Variants in GPATCH11 observed in about 807,000 individuals in gnomAD.
The protein encoded by GPATCH11 is G-patch domain containing 11, also known as G patch domain-containing protein 11.
In GPATCH11, 32 loss-of-function variants were observed where a neutral mutation model predicts 44.8. The ratio of observed to expected loss-of-function variants is 0.71; its 90% CI spans 0.54 to 0.96. GPATCH11 has a LOEUF of 0.96. GPATCH11 is among the 40% of genes least tolerant of loss of function. The probability of loss-of-function intolerance (pLI) is 0.00; values close to 1 mark genes in which losing one functional copy is unlikely to be tolerated. For missense variants in GPATCH11, 324 were observed against 303.1 expected (o/e 1.07, Z -0.51); for synonymous variants, 84 against 94.4 (o/e 0.89, Z 0.64).
At chr2:37,084,695 G>C in intron 1 of GPATCH11, 125 bp downstream of exon 1, 1 of 738,134 alleles carries the variant, frequency 1.4e-6, no homozygotes, top group Non-Finnish European at 1.9e-6. Flanking sequence ...TTGCGTCTGT[G>C]GGACGCTTGC....
chr2:37,095,641 C>A (rs929064119), intron 8 of GPATCH11, 123 bp downstream of exon 8: 221 of 1,050,094 alleles, frequency 2.1e-4, no homozygotes, highest in South Asian at 4.1e-4. Context: ...GGACCAATTT[C>A]TTAAATAGTG....
chr2:37,095,465 G>A lies in GPATCH11; in HGVS notation c.683G>A (p.Ser228Asn). The A allele has an allele frequency of 1.2e-6, 2 of 1,606,396 alleles. No homozygotes were observed. Among genetic ancestry groups the A allele is most frequent in the Non-Finnish European group, 1.7e-6 (2 of 1,176,812 alleles). Reference sequence around the variant, plus strand: ...CTGGAAAAATTACAAATATTGACTAGTTATTTAAGAGAAGAACATCTATAT... The same window carrying A: ...CTGGAAAAATTACAAATATTGACTAATTATTTAAGAGAAGAACATCTATAT... Reference protein sequence around the residue: ...SVLEKLQILTSYLREEHLYCI... With the variant: ...SVLEKLQILTNYLREEHLYCI... Residue 228 changes from serine to asparagine, a missense_variant, in exon 8 of 9, where the codon AGT (serine) becomes AAT (asparagine). Coordinates refer to ENST00000674370, the MANE Select transcript of GPATCH11 (RefSeq NM_174931.4).
chr2:37,090,733 AT>A lies in GPATCH11; in HGVS notation c.328+15del. 2.3e-6 allele frequency: 3 copies of A among 1,288,462 alleles called. No homozygotes were observed. The highest frequency in any genetic ancestry group is 3.3e-6 in the Non-Finnish European group (3 of 914,576). 79.8% of individuals were successfully genotyped at this position (1,288,462 alleles called of 1,614,324 possible). A position where few individuals can be genotyped will look rare whatever the true frequency, so the allele number is the denominator to read the frequency against. On this transcript the variant is annotated intron_variant, in intron 4 of 8. Coordinates refer to ENST00000674370, the MANE Select transcript of GPATCH11 (RefSeq NM_174931.4). ...TCAATATCAAAACAGGTACGTAATT[AT>A]TTTGGAGCATATTTGCCAATAATAA...
chr2:37,098,386 A>G lies in GPATCH11; in HGVS notation c.*2123A>G, dbSNP rs1412663421. ...TATATATATAGAGAGAGAGAGAGAG[A>G]GAGAGCTATTAATAAAACAGAGGAG... On this transcript the variant is annotated 3_prime_UTR_variant, in exon 9 of 9. Coordinates refer to ENST00000674370, the MANE Select transcript of GPATCH11 (RefSeq NM_174931.4). 1.3e-5 allele frequency: 2 copies of G among 150,840 alleles called. No homozygotes were observed. The highest frequency in any genetic ancestry group is 2.9e-5 in the Non-Finnish European group (2 of 67,822). The allele number at this position is 150,840 out of a possible 1,614,324, so 9.3% of individuals were successfully genotyped here.
rs1673646494 is a variant in GPATCH11, at chr2:37,097,435, T to C, written c.*1172T>C. On this transcript the variant is annotated 3_prime_UTR_variant, in exon 9 of 9. Coordinates refer to ENST00000674370, the MANE Select transcript of GPATCH11 (RefSeq NM_174931.4). ...TCATATGCTCAGGTGTCTCTCCTAG[T>C]GATTGATTTTGATTTGTCTTGGCTA... 1.3e-5 allele frequency: 2 copies of C among 152,186 alleles called. No individual in the cohort carries two copies. The highest frequency in any genetic ancestry group is 2.9e-5 in the Non-Finnish European group (2 of 68,026). The allele number at this position is 152,186 out of a possible 1,614,324, so 9.4% of individuals were successfully genotyped here. A position where few individuals can be genotyped will look rare whatever the true frequency, so the allele number is the denominator to read the frequency against.
Position 37,098,391 on chromosome 2 carries a change from G to GCT in GPATCH11, c.*2129_*2130dup. The GCT allele has an allele frequency of 6.8e-6, 1 of 146,930 alleles. No individual in the cohort carries two copies. Among genetic ancestry groups the GCT allele is most frequent in the Non-Finnish European group, 1.5e-5 (1 of 66,818 alleles). 9.1% of individuals were successfully genotyped at this position (146,930 alleles called of 1,614,324 possible). On this transcript the variant is annotated 3_prime_UTR_variant, in exon 9 of 9. Transcript: ENST00000674370. ...ATATAGAGAGAGAGAGAGAGAGAGA[G>GCT]CTATTAATAAAACAGAGGAGTACAT... is the stretch of plus-strand genomic sequence containing the variant.
At chr2:37,096,174 T>C (rs751625510) in intron 8 of GPATCH11, 34 bp from the exon 9 acceptor site, 5 of 1,321,486 alleles carry the variant, frequency 3.8e-6, no homozygotes, top group African/African-American at 1.5e-5. Context: ...GTAGAAGTTG[T>C]ATTAATCTTT....
chr2:37,091,480 A>G (rs1435915892), intron 4 of GPATCH11, among the ~76,000 whole-genome samples: 2 of 152,140 alleles, frequency 1.3e-5, no homozygotes, highest in Non-Finnish European at 2.9e-5. Context: ...CGATTCCTGG[A>G]GCCCACAAGT....
intron 1 of GPATCH11, among the ~76,000 whole-genome samples, chr2:37,086,906 G>T (rs1673077642): frequency 6.6e-6 from 1 of 152,208 alleles, no homozygotes; most frequent in Non-Finnish European, 1.5e-5. Flanking sequence ...ACTTCAGCAA[G>T]CTTAAGTAAT....
chr2:37,094,224 G>T, intron 7 of GPATCH11, 29 bp downstream of exon 7: 1 of 1,376,942 alleles, frequency 7.3e-7, no homozygotes, highest in South Asian at 1.2e-5. Context: ...CCTTCATAGG[G>T]TGTCTCAGCC....
intron 8 of GPATCH11, among the ~76,000 whole-genome samples, chr2:37,095,767 A>ACG: frequency 1.3e-5 from 2 of 152,214 alleles, no homozygotes; most frequent in African/African-American, 4.8e-5. Context: ...GAATAACCTG[A>ACG]GAATGATGAA....
In GPATCH11 at chr2:37,089,700, A is replaced by G; in HGVS notation, c.120A>G (p.Glu40=). Residue 40 remains glutamate (E), a synonymous_variant, in exon 3 of 9, where the codon GAA becomes GAG. Transcript: ENST00000674370. ...LRQIREARRK[E]EKQQEANLKN... ...AAATCCGAGAAGCCCGTCGAAAAGA[A>G]GAAAAGCAACAGGAAGCCAATTTGA... 6.4e-7 allele frequency: 1 copy of G among 1,551,872 alleles called. No homozygotes were observed. The highest frequency in any genetic ancestry group is 8.7e-7 in the Non-Finnish European group (1 of 1,147,036).
At chr2:37,091,885 T>C (rs1312570582) in intron 4 of GPATCH11, 31 bp from the exon 5 acceptor site, 1 of 1,597,994 alleles carries the variant, frequency 6.3e-7, no homozygotes, top group African/African-American at 1.3e-5. Context: ...AAAGTCAGGA[T>C]GTTTCTCATC....
At chr2:37,095,577 A>C in intron 8 of GPATCH11, 59 bp downstream of exon 8, 1 of 1,461,926 alleles carries the variant, frequency 6.8e-7, no homozygotes. Flanking sequence ...TTTTTAGTTA[A>C]AGTCATTTCC....
At chr2:37,089,903 C>T (rs1673236389) in intron 3 of GPATCH11, 37 bp downstream of exon 3, 3 of 1,386,890 alleles carry the variant, frequency 2.2e-6, no homozygotes, top group Non-Finnish European at 3.0e-6. Flanking sequence ...TATTCCTTAC[C>T]ACCTAATTGT....
intron 1 of GPATCH11, among the ~76,000 whole-genome samples, chr2:37,085,385 T>C (rs1672959591): frequency 6.6e-6 from 1 of 152,226 alleles, no homozygotes; most frequent in Non-Finnish European, 1.5e-5. Flanking sequence ...AAATGTGTGA[T>C]ATACTGGGTA....
At chr2:37,091,091 G>A (rs1285457057) in intron 4 of GPATCH11, among the ~76,000 whole-genome samples, 3 of 152,214 alleles carry the variant, frequency 2.0e-5, no homozygotes, top group Non-Finnish European at 1.5e-5. Flanking sequence ...TTGGGTGGCC[G>A]AGGCAGGCAG....
rs1673450438 is a variant in GPATCH11, at chr2:37,093,966, T to A, written c.541-116T>A. On this transcript the variant is annotated intron_variant, in intron 6 of 8. Coordinates refer to ENST00000674370, the MANE Select transcript of GPATCH11 (RefSeq NM_174931.4). ...CACCGTGCCCGGCCAGTGTTTTTACTCTTAAAGCCACACTCAGTGAATACG... is the reference window on the plus strand; with the variant it reads ...CACCGTGCCCGGCCAGTGTTTTTACACTTAAAGCCACACTCAGTGAATACG... 7 of 713,178 alleles carry A rather than the reference T, an allele frequency of 9.8e-6. No homozygotes were observed. In the Admixed American group the frequency reaches 1.6e-4, roughly 16 times the overall value. The allele number at this position is 713,178 out of a possible 1,614,324, so 44.2% of individuals were successfully genotyped here.
intron 1 of GPATCH11, among the ~76,000 whole-genome samples, chr2:37,086,245 C>A (rs1397951990): frequency 6.6e-6 from 1 of 152,160 alleles, no homozygotes; most frequent in Non-Finnish European, 1.5e-5. Context: ...GTTTGACTCA[C>A]AGAAATGTAT....
Sources: allele counts gnomAD v4.1 joint callset (sites outside exome capture counted in the v4.1 genomes callset), GRCh38; gene constraint gnomAD v4.1.1; transcripts MANE v1.5; gene names NCBI Gene and HGNC (gene_info 2026-07-23, HGNC 2026-07-21).